The following NOL4 variants were observed in gnomAD, a reference collection of about 807,000 sequenced individuals.
The protein encoded by NOL4 is cancer/testis antigen 125.
Under a neutral mutation model 75.9 loss-of-function variants are expected in NOL4, and 17 were observed. That is an observed-to-expected ratio of 0.22 (90% CI 0.15 to 0.34). The LOEUF (loss-of-function observed/expected upper bound fraction) is 0.34, where lower values mean the gene tolerates loss of function less well. Ranked by LOEUF, NOL4 falls within the 10% of genes least tolerant of loss-of-function variation. NOL4 has a pLI of 1.00. For missense variants in NOL4, 614 were observed against 793.5 expected, an observed-to-expected ratio of 0.77 and a Z score of 2.72; for synonymous variants, 292 against 289.9, an observed-to-expected ratio of 1.01 and a Z score of -0.07.
intron 1 of NOL4, among the ~76,000 whole-genome samples, chr18:34,152,390 GT>G (rs2081685019): frequency 6.6e-6 from 1 of 151,796 alleles, no homozygotes. Flanking sequence ...TGTGTCTTAG[GT>G]TTATTTGGCT....
intron 2 of NOL4, among the ~76,000 whole-genome samples, chr18:34,115,484 C>A: frequency 7.8e-6 from 1 of 128,056 alleles, no homozygotes; most frequent in Admixed American, 8.2e-5. Context: ...TTTTTGCCCA[C>A]CCCCCTCCCC....
At chr18:33,977,055 C>T (rs1157200268) in intron 6 of NOL4, among the ~76,000 whole-genome samples, 1 of 152,006 alleles carries the variant, frequency 6.6e-6, no homozygotes, top group Non-Finnish European at 1.5e-5. Flanking sequence ...ACATCATCAT[C>T]CTCATTAATA....
At chr18:34,198,934 C>G (rs547828013) in intron 1 of NOL4, among the ~76,000 whole-genome samples, 2 of 151,934 alleles carry the variant, frequency 1.3e-5, no homozygotes, top group South Asian at 4.2e-4. Flanking sequence ...TTAAGTGTAT[C>G]ATTCCAAAGA....
chr18:34,114,076 A>G (rs1470283576), intron 2 of NOL4, among the ~76,000 whole-genome samples: 1 of 152,218 alleles, frequency 6.6e-6, no homozygotes, highest in Non-Finnish European at 1.5e-5. Context: ...GATACTAAAA[A>G]TACTATTCTA....
rs540797755 is a variant in NOL4 at position 33,949,724 on chromosome 18, T to C, written c.1429-6546A>G. 1.4e-4 allele frequency among the ~76,000 whole-genome samples: 22 copies of C among 152,258 alleles called. No homozygotes were observed. In the East Asian group the frequency reaches 3.9e-3, roughly 27 times the overall value. ...TGGAATATAAGCCAGTTAACCTTTG[T>C]CTAGGCTTTGATTAGAAATATTTCA... On this transcript the variant is annotated intron_variant, in intron 8 of 10. Coordinates refer to ENST00000261592, the MANE Select transcript of NOL4 (RefSeq NM_003787.5).
At chr18:34,144,546 A>C (rs2146029198) in intron 1 of NOL4, among the ~76,000 whole-genome samples, 1 of 152,242 alleles carries the variant, frequency 6.6e-6, no homozygotes, top group African/African-American at 2.4e-5. Flanking sequence ...TTGTAAATCG[A>C]GTTAGTGATA....
At chr18:33,975,409 T>C (rs1218636524) in intron 6 of NOL4, among the ~76,000 whole-genome samples, 1 of 152,212 alleles carries the variant, frequency 6.6e-6, no homozygotes, top group African/African-American at 2.4e-5. Flanking sequence ...TATCTTCTTC[T>C]TTTCCTTTAC....
At chr18:33,935,570 T>C (rs1471650046) in intron 9 of NOL4, among the ~76,000 whole-genome samples, 3 of 152,108 alleles carry the variant, frequency 2.0e-5, no homozygotes, top group African/African-American at 2.4e-5. Context: ...CAGATCACTA[T>C]AGCAGATATA....
rs191502042 is a variant in NOL4, at chr18:34,009,590, C to G, written c.1056+9728G>C. 1.4e-4 allele frequency among the ~76,000 whole-genome samples: 21 copies of G among 151,978 alleles called. No homozygotes were observed. In the East Asian group the frequency reaches 4.1e-3, roughly 30 times the overall value. ...CCTATAGGTTAAGAATTATTATCAT[C>G]ATTTTATTGATGAACTGTCCAAGCT... On this transcript the variant is annotated intron_variant, in intron 6 of 10. Transcript: ENST00000261592.
At chr18:34,212,083 T>C (rs1190374612) in intron 1 of NOL4, among the ~76,000 whole-genome samples, 2 of 152,216 alleles carry the variant, frequency 1.3e-5, no homozygotes, top group Admixed American at 1.3e-4. Flanking sequence ...TCCTTTGATA[T>C]GTGTACTTGT....
chr18:33,889,822 T>C (rs1199064029), intron 9 of NOL4, among the ~76,000 whole-genome samples: 1 of 152,096 alleles, frequency 6.6e-6, no homozygotes, highest in Non-Finnish European at 1.5e-5. Flanking sequence ...AAAAGGCCTT[T>C]GACAAAATTC....
At chr18:33,882,355 A>G (rs1343817617) in intron 10 of NOL4, among the ~76,000 whole-genome samples, 1 of 152,206 alleles carries the variant, frequency 6.6e-6, no homozygotes, top group African/African-American at 2.4e-5. Flanking sequence ...AAACAAATTT[A>G]CAAGAAAAAA....
chr18:33,939,717 A>G (rs1428255730), intron 9 of NOL4, among the ~76,000 whole-genome samples: 1 of 152,130 alleles, frequency 6.6e-6, no homozygotes, highest in African/African-American at 2.4e-5. Context: ...TGTCATCTGC[A>G]AAGAGACAAT....
chr18:33,993,626 T>C (rs2073075116), intron 6 of NOL4, among the ~76,000 whole-genome samples: 1 of 151,830 alleles, frequency 6.6e-6, no homozygotes, highest in East Asian at 1.9e-4. Context: ...AGAAACTGTA[T>C]GAGTGAGCAG....
chr18:34,148,267 GT>G (rs978494643), intron 1 of NOL4, among the ~76,000 whole-genome samples: 11 of 152,024 alleles, frequency 7.2e-5, no homozygotes, highest in African/African-American at 2.4e-4. Flanking sequence ...TTTTGAATTT[GT>G]TTGCTCTTCC....
intron 9 of NOL4, among the ~76,000 whole-genome samples, chr18:33,933,878 A>C (rs573869611): frequency 2.0e-5 from 3 of 152,208 alleles, no homozygotes; most frequent in Admixed American, 6.5e-5. Context: ...AATATTCTTA[A>C]TGGCATCTAG....
chr18:33,862,343 T>C (rs2063187983), intron 10 of NOL4, among the ~76,000 whole-genome samples: 2 of 152,124 alleles, frequency 1.3e-5, no homozygotes, highest in Non-Finnish European at 1.5e-5. Flanking sequence ...GCATTACCAT[T>C]CAGGACATAG....
intron 6 of NOL4, among the ~76,000 whole-genome samples, chr18:34,011,785 G>C (rs996494379): frequency 6.6e-6 from 1 of 151,612 alleles, no homozygotes; most frequent in Non-Finnish European, 1.5e-5. Context: ...TCTTTGTTTT[G>C]TATTTTGGTC....
At chr18:33,877,826 T>TTGTGTGTGTGTGTG (rs113939972) in intron 10 of NOL4, among the ~76,000 whole-genome samples, 1 of 148,134 alleles carries the variant, frequency 6.8e-6, no homozygotes, top group African/African-American at 2.5e-5. Flanking sequence ...TGTTGTGTGA[T>TTGTGTGTGTGTGTG]TGTGTGTGTG....
Sources: gnomAD v4.1 joint callset for allele counts (sites outside exome capture counted in the v4.1 genomes callset) on GRCh38, gnomAD v4.1.1 for gene constraint, MANE v1.5 for transcripts, NCBI Gene and HGNC (gene_info 2026-07-23, HGNC 2026-07-21) for gene names.